RIMS1: variants seen among roughly 807,000 people sequenced by gnomAD.
RIMS1 encodes the protein regulating synaptic membrane exocytosis protein 1.
RIMS1 carries 83 observed loss-of-function variants against 214.1 expected under a neutral mutation model. The ratio of observed to expected loss-of-function variants is 0.39; its 90% CI spans 0.32 to 0.47. The LOEUF (loss-of-function observed/expected upper bound fraction) is 0.47, where lower values mean the gene tolerates loss of function less well. Among genes scored for constraint, RIMS1 ranks in the 20% least tolerant of loss-of-function variants. The pLI is 0.99. For missense variants in RIMS1, 2,050 were observed against 2,161.8 expected, an observed-to-expected ratio of 0.95 and a Z score of 1.03; for synonymous variants, 793 against 786.8, an observed-to-expected ratio of 1.01 and a Z score of -0.13.
intron 29 of RIMS1, among the ~76,000 whole-genome samples, chr6:72,373,854 C>A (rs2098294054): frequency 6.6e-6 from 1 of 152,102 alleles, no homozygotes; most frequent in African/African-American, 2.4e-5. Context: ...AGTTCATGTT[C>A]ATCTAATTTT....
chr6:72,145,559 C>T (rs1463842096), intron 4 of RIMS1, among the ~76,000 whole-genome samples: 3 of 152,072 alleles, frequency 2.0e-5, no homozygotes, highest in African/African-American at 7.2e-5. Flanking sequence ...TTGCAGTGAG[C>T]CCAGATCATG....
intron 2 of RIMS1, among the ~76,000 whole-genome samples, chr6:72,010,136 T>C (rs575267566): frequency 1.2e-4 from 18 of 152,250 alleles, no homozygotes; most frequent in Middle Eastern, 3.4e-3. Flanking sequence ...TCCACCATGA[T>C]CAAGTGGGCT....
chr6:72,017,520 A>G (rs2151914328), intron 2 of RIMS1, among the ~76,000 whole-genome samples: 1 of 152,328 alleles, frequency 6.6e-6, no homozygotes, highest in African/African-American at 2.4e-5. Flanking sequence ...GTAAGGTAAA[A>G]ACATTAGCAT....
chr6:72,345,733 G>T (rs2097243605), intron 29 of RIMS1, among the ~76,000 whole-genome samples: 1 of 151,750 alleles, frequency 6.6e-6, no homozygotes, highest in Admixed American at 6.6e-5. Context: ...CTTGTACTAG[G>T]GTGGAACTGG....
chr6:72,011,317 C>G (rs1810495453), intron 2 of RIMS1, among the ~76,000 whole-genome samples: 1 of 152,154 alleles, frequency 6.6e-6, no homozygotes, highest in African/African-American at 2.4e-5. Flanking sequence ...ACACCTTACA[C>G]AAAAATTAAT....
At chr6:71,930,891 GACC>G (rs1782828283) in intron 1 of RIMS1, among the ~76,000 whole-genome samples, 2 of 151,968 alleles carry the variant, frequency 1.3e-5, no homozygotes, top group Non-Finnish European at 2.9e-5. Context: ...TAAGCACAAA[GACC>G]AGCATCTACT....
intron 1 of RIMS1, among the ~76,000 whole-genome samples, chr6:71,931,835 G>A (rs1030015147): frequency 1.7e-4 from 26 of 151,700 alleles, no homozygotes; most frequent in Admixed American, 9.2e-4. Context: ...CCTATGTCCC[G>A]GAATGGTATA....
At chr6:72,354,632 A>C (rs1275198235) in intron 29 of RIMS1, among the ~76,000 whole-genome samples, 1 of 152,190 alleles carries the variant, frequency 6.6e-6, no homozygotes, top group African/African-American at 2.4e-5. Flanking sequence ...TTGATTAACT[A>C]TAGGAGACTT....
chr6:72,043,852 TGAA>T (rs1418065686), intron 2 of RIMS1, among the ~76,000 whole-genome samples: 1 of 151,572 alleles, frequency 6.6e-6, no homozygotes. Context: ...TATACATTAA[TGAA>T]GAAAAATTTA....
At chr6:71,932,011 G>A (rs1325083499) in intron 1 of RIMS1, among the ~76,000 whole-genome samples, 3 of 152,030 alleles carry the variant, frequency 2.0e-5, no homozygotes, top group Non-Finnish European at 4.4e-5. Flanking sequence ...AAAAAGGAAT[G>A]CTTATACACT....
intron 1 of RIMS1, among the ~76,000 whole-genome samples, chr6:71,916,939 A>C (rs1368790224): frequency 1.3e-5 from 2 of 152,122 alleles, no homozygotes; most frequent in Admixed American, 1.3e-4. Context: ...ATGACAGCCA[A>C]TGTTCCTACC....
chr6:71,995,451 CGTGTGTGTGTGTGTGT>C (rs59174738), intron 2 of RIMS1, among the ~76,000 whole-genome samples: 1 of 144,400 alleles, frequency 6.9e-6, no homozygotes, highest in Non-Finnish European at 1.5e-5. Context: ...TGTAATATGA[CGTGTGTGTGTGTGTGT>C]GTGTGTGTGT....
chr6:71,918,165 G>A (rs779110528), intron 1 of RIMS1, among the ~76,000 whole-genome samples: 1 of 152,116 alleles, frequency 6.6e-6, no homozygotes, highest in African/African-American at 2.4e-5. Context: ...GACTAAAGGA[G>A]ATGAAGAAGA....
chr6:72,188,807 A>G (rs2049568560), intron 6 of RIMS1, among the ~76,000 whole-genome samples: 1 of 152,218 alleles, frequency 6.6e-6, no homozygotes, highest in South Asian at 2.1e-4. Flanking sequence ...AGACGCCCTA[A>G]GGGATCTCCT....
chr6:72,029,750 G>A (rs534292828), intron 2 of RIMS1, among the ~76,000 whole-genome samples: 5 of 152,202 alleles, frequency 3.3e-5, no homozygotes, highest in South Asian at 2.1e-4. Context: ...CCATATGCTC[G>A]AACACTCTAG....
At chr6:72,000,314 A>C (rs1446452137) in intron 2 of RIMS1, among the ~76,000 whole-genome samples, 1 of 152,208 alleles carries the variant, frequency 6.6e-6, no homozygotes, top group Non-Finnish European at 1.5e-5. Flanking sequence ...TTTTTCATCA[A>C]CTGAGTTCAA....
intron 11 of RIMS1, among the ~76,000 whole-genome samples, chr6:72,247,291 T>G (rs1407751102): frequency 6.6e-6 from 1 of 151,934 alleles, no homozygotes; most frequent in Non-Finnish European, 1.5e-5. Flanking sequence ...AAAACTAAGA[T>G]AGATGGGGAG....
At chr6:72,112,253 C>G (rs911345094) in intron 4 of RIMS1, among the ~76,000 whole-genome samples, 2 of 152,108 alleles carry the variant, frequency 1.3e-5, no homozygotes, top group African/African-American at 2.4e-5. Context: ...CCAAACTGGT[C>G]CAAGACACCA....
Position 72,235,651 on chromosome 6 carries a change from G to A in RIMS1, c.1780G>A (p.Asp594Asn), listed in dbSNP as rs748303981. The A allele has an allele frequency of 1.9e-6, 3 of 1,611,088 alleles. No homozygotes were observed. The highest frequency in any genetic ancestry group is 2.5e-6 in the Non-Finnish European group (3 of 1,178,518). Reference sequence around the variant, plus strand: ...AACGTGGCAACCATCTAAAGAGGGGGACCGATTAATTGGACGTGTTATTCT... The same window carrying A: ...AACGTGGCAACCATCTAAAGAGGGGAACCGATTAATTGGACGTGTTATTCT... ...PVTWQPSKEG[D>N]RLIGRVILNK... The change falls in exon 8 of 34, where the codon GAC (aspartate) becomes AAC (asparagine). Residue 594 changes from aspartate (D) to asparagine (N), a missense_variant. Around this residue, in one of 6 missense-constraint regions of RIMS1, gnomAD observed 882 missense variants for 828.9 expected, o/e 1.06. Transcript: ENST00000521978.
Sources: gnomAD v4.1 joint callset for allele counts (sites outside exome capture counted in the v4.1 genomes callset) on GRCh38, gnomAD v4.1.1 for gene constraint, gnomAD v4.1.1 regional missense constraint, MANE v1.5 for transcripts, NCBI Gene and HGNC (gene_info 2026-07-23, HGNC 2026-07-21) for gene names.